EYA1: variants seen among roughly 807,000 people sequenced by gnomAD.
EYA1 encodes the protein EYA transcriptional coactivator and phosphatase 1, also known as protein phosphatase EYA1.
A neutral mutation model predicts 82.0 loss-of-function variants in EYA1; 16 were observed. That is an observed-to-expected ratio of 0.20 (90% CI 0.13 to 0.30). EYA1 has a LOEUF of 0.30. EYA1 is among the 10% of genes least tolerant of loss of function. The pLI is 1.00. For synonymous variants in EYA1, 261 were observed against 264.4 expected (o/e 0.99, Z 0.12); for missense variants, 633 against 730.7 (o/e 0.87, Z 1.54).
intron 4 of EYA1, among the ~76,000 whole-genome samples, chr8:71,331,861 G>C (rs983784022): frequency 6.6e-6 from 1 of 151,716 alleles, no homozygotes; most frequent in African/African-American, 2.4e-5. Flanking sequence ...TTTTGTTTTT[G>C]TTTTGAGACA....
chr8:71,217,905 T>C (rs1266992501), intron 12 of EYA1, among the ~76,000 whole-genome samples: 1 of 152,158 alleles, frequency 6.6e-6, no homozygotes, highest in Non-Finnish European at 1.5e-5. Context: ...GGAGCACCCA[T>C]ATATCTTAAC....
intron 11 of EYA1, among the ~76,000 whole-genome samples, chr8:71,257,832 G>A (rs1021253174): frequency 6.6e-6 from 1 of 152,158 alleles, no homozygotes; most frequent in African/African-American, 2.4e-5. Context: ...AGTAACCCTA[G>A]AAACATTTCA....
At chr8:71,257,885 T>A (rs2128926851) in intron 11 of EYA1, among the ~76,000 whole-genome samples, 1 of 152,254 alleles carries the variant, frequency 6.6e-6, no homozygotes, top group Non-Finnish European at 1.5e-5. Context: ...ATGTCTCCTG[T>A]GGATCCTGAT....
At chr8:71,374,824 TA>T (rs1168538000) in intron 2 of EYA1, among the ~76,000 whole-genome samples, 1 of 152,120 alleles carries the variant, frequency 6.6e-6, no homozygotes, top group African/African-American at 2.4e-5. Flanking sequence ...AATTCAGCCT[TA>T]AAAAAAGTAA....
At chr8:71,299,355 T>TA (rs1563422854) in intron 8 of EYA1, 122 bp from the exon 9 acceptor site, 3 of 929,720 alleles carry the variant, frequency 3.2e-6, no homozygotes, top group African/African-American at 1.6e-5. Context: ...CACGGGGGCA[T>TA]ACAAGTACAC....
At chr8:71,291,583 A>C (rs1318941471) in intron 9 of EYA1, among the ~76,000 whole-genome samples, 1 of 152,138 alleles carries the variant, frequency 6.6e-6, no homozygotes, top group Non-Finnish European at 1.5e-5. Flanking sequence ...CCTAAAAACT[A>C]ATTATCTTTT....
At chr8:71,462,537 G>A (rs959963599) in intron 2 of EYA1, among the ~76,000 whole-genome samples, 1 of 152,178 alleles carries the variant, frequency 6.6e-6, no homozygotes, top group Non-Finnish European at 1.5e-5. Context: ...CCCGCTCTGT[G>A]GAGTGTGCAG....
intron 12 of EYA1, among the ~76,000 whole-genome samples, chr8:71,225,619 A>G (rs1161225045): frequency 2.0e-5 from 3 of 152,196 alleles, no homozygotes; most frequent in African/African-American, 7.2e-5. Flanking sequence ...TCAGCATACT[A>G]TTGGTGCCAA....
At chr8:71,424,851 A>T (rs1831332656) in intron 2 of EYA1, among the ~76,000 whole-genome samples, 1 of 152,116 alleles carries the variant, frequency 6.6e-6, no homozygotes, top group African/African-American at 2.4e-5. Context: ...GGCTAAGAGC[A>T]GTAACATCAG....
intron 2 of EYA1, among the ~76,000 whole-genome samples, chr8:71,472,788 G>GATATAC (rs1554592239): frequency 7.9e-6 from 1 of 126,828 alleles, no homozygotes; most frequent in South Asian, 2.7e-4. Context: ...TAGCTTTGAA[G>GATATAC]ATATATATAT....
At chr8:71,474,630 T>C (rs116675747) in intron 2 of EYA1, among the ~76,000 whole-genome samples, 8,752 of 152,210 alleles carry the variant, frequency 0.057, 827 homozygotes, top group African/African-American at 0.2. Context: ...AAAATTATAA[T>C]CTACTATACT....
At chr8:71,516,354 C>T (rs893202449) in intron 2 of EYA1, among the ~76,000 whole-genome samples, 3 of 152,088 alleles carry the variant, frequency 2.0e-5, no homozygotes, top group African/African-American at 7.2e-5. Flanking sequence ...TTACTAAGGG[C>T]CACAGTAGAG....
chr8:71,275,493 T>C (rs1817060058), intron 9 of EYA1, among the ~76,000 whole-genome samples: 1 of 152,088 alleles, frequency 6.6e-6, no homozygotes, highest in African/African-American at 2.4e-5. Context: ...GGGTTTAGGA[T>C]TGGAAACTGA....
At chr8:71,233,886 G>A (rs1003336458) in intron 12 of EYA1, among the ~76,000 whole-genome samples, 2 of 152,186 alleles carry the variant, frequency 1.3e-5, no homozygotes, top group Non-Finnish European at 2.9e-5. Flanking sequence ...GAAAACATAT[G>A]AGAGCCTTCC....
chr8:71,330,804 C>G (rs1008359806), intron 4 of EYA1, among the ~76,000 whole-genome samples: 2 of 152,064 alleles, frequency 1.3e-5, no homozygotes, highest in Non-Finnish European at 2.9e-5. Flanking sequence ...TCCCAGATAG[C>G]CTTCATCCAA....
chr8:71,256,838 AAAAATAC>A (rs1364527777), intron 11 of EYA1, among the ~76,000 whole-genome samples: 7 of 151,984 alleles, frequency 4.6e-5, no homozygotes, highest in Non-Finnish European at 1.0e-4. Context: ...TGTCTCTACT[AAAAATAC>A]AAAATTAGCT....
intron 1 of EYA1, among the ~76,000 whole-genome samples, chr8:71,542,273 G>A (rs1263421817): frequency 6.6e-6 from 1 of 151,574 alleles, no homozygotes; most frequent in Non-Finnish European, 1.5e-5. Flanking sequence ...ATGTATCCAT[G>A]TGTTCTTATC....
intron 2 of EYA1, among the ~76,000 whole-genome samples, chr8:71,510,970 C>T (rs1362444666): frequency 6.6e-6 from 1 of 151,944 alleles, no homozygotes. Context: ...TCCTTCATAT[C>T]CTCTCTGAGG....
chr8:71,405,367 T>A (rs1830164533), intron 2 of EYA1, among the ~76,000 whole-genome samples: 1 of 152,216 alleles, frequency 6.6e-6, no homozygotes, highest in East Asian at 1.9e-4. Context: ...AATTAACTCT[T>A]AACCACAGAA....
Sources: allele counts gnomAD v4.1 joint callset (sites outside exome capture counted in the v4.1 genomes callset), GRCh38; gene constraint gnomAD v4.1.1; transcripts MANE v1.5; gene names NCBI Gene and HGNC (gene_info 2026-07-23, HGNC 2026-07-21).